PACRG: variants seen among roughly 807,000 people sequenced by gnomAD.
PACRG encodes the protein parkin coregulated gene protein.
Under a neutral mutation model 29.7 loss-of-function variants are expected in PACRG, and 29 were observed. The ratio of observed to expected loss-of-function variants is 0.98; its 90% confidence interval spans 0.73 to 1.33. The LOEUF is 1.33. Among genes scored for constraint, PACRG ranks in the 40% most tolerant of loss-of-function variants. The pLI, the probability that PACRG is intolerant of heterozygous loss-of-function variation, is 0.00. For missense variants in PACRG, 279 were observed against 316.2 expected, an observed-to-expected ratio of 0.88 and a Z score of 0.89; for synonymous variants, 116 against 118.7, an observed-to-expected ratio of 0.98 and a Z score of 0.15.
intron 4 of PACRG, among the ~76,000 whole-genome samples, chr6:163,147,916 C>A (rs1470486442): frequency 6.6e-6 from 1 of 152,160 alleles, no homozygotes; most frequent in Non-Finnish European, 1.5e-5. Flanking sequence ...TCATTCACTG[C>A]CTGTTTCTTC....
intron 4 of PACRG, among the ~76,000 whole-genome samples, chr6:163,283,605 C>T (rs1784290653): frequency 6.8e-6 from 1 of 147,958 alleles, no homozygotes. Flanking sequence ...TCGAGACCAT[C>T]CTGGCTAACA....
At chr6:162,932,173 C>A (rs920629069) in intron 2 of PACRG, among the ~76,000 whole-genome samples, 1 of 151,856 alleles carries the variant, frequency 6.6e-6, no homozygotes, top group African/African-American at 2.4e-5. Context: ...GGAGTACGTA[C>A]TTTATGTTTC....
Position 163,037,355 on chromosome 6 carries a change from C to T in PACRG, c.292-24795C>T, listed in dbSNP as rs545092048. Among the ~76,000 whole-genome samples, 16 of 152,314 alleles carry T rather than the reference C, an allele frequency of 1.1e-4. No individual in the cohort carries two copies. In the South Asian group the frequency reaches 1.7e-3, roughly 16 times the overall value. ...CTCTCTTCTCACTCCTACAAATGTTCGGCTGAGCTCCAAGGTCCTCTTCAC... is the reference window on the plus strand; with the variant it reads ...CTCTCTTCTCACTCCTACAAATGTTTGGCTGAGCTCCAAGGTCCTCTTCAC... On this transcript the variant is annotated intron_variant, in intron 2 of 4. Coordinates refer to ENST00000366888, the MANE Select transcript of PACRG (RefSeq NM_001080379.2).
At position 162,739,987 on chromosome 6, in the gene PACRG, G is replaced by A. The variant is rs540470725; in HGVS notation, c.156+11596G>A. 3.3e-5 allele frequency among the ~76,000 whole-genome samples: 5 copies of A among 152,026 alleles called. No homozygotes were observed. The East Asian group carries it at 5.8e-4, about 18-fold the overall frequency. On this transcript the variant is annotated intron_variant, in intron 1 of 4. Transcript: ENST00000366888. ...TAACTGCAAATTTACTTTTAAGATG[G>A]GAGGTAAGGCTTTCTTTTGATCTTT...
intron 4 of PACRG, among the ~76,000 whole-genome samples, chr6:163,143,966 G>A (rs1324072806): frequency 1.3e-5 from 2 of 152,118 alleles, no homozygotes; most frequent in Non-Finnish European, 2.9e-5. Context: ...CAGGTGCGGT[G>A]GCTCACATCT....
chr6:163,253,599 G>A (rs1461129751), intron 4 of PACRG, among the ~76,000 whole-genome samples: 1 of 152,126 alleles, frequency 6.6e-6, no homozygotes, highest in African/African-American at 2.4e-5. Flanking sequence ...TGTTGTATAA[G>A]CTTACTCAGC....
chr6:163,135,039 C>G (rs1186722260), intron 4 of PACRG, among the ~76,000 whole-genome samples: 3 of 152,098 alleles, frequency 2.0e-5, no homozygotes, highest in Admixed American at 6.5e-5. Flanking sequence ...GTATATATAT[C>G]TGTAACTAGA....
At chr6:162,969,776 G>A (rs1801372616) in intron 2 of PACRG, among the ~76,000 whole-genome samples, 1 of 152,144 alleles carries the variant, frequency 6.6e-6, no homozygotes, top group African/African-American at 2.4e-5. Context: ...GACTCCTTTT[G>A]TAAAGTTGGC....
chr6:163,243,344 A>G (rs1201884379), intron 4 of PACRG, among the ~76,000 whole-genome samples: 1 of 152,240 alleles, frequency 6.6e-6, no homozygotes, highest in Non-Finnish European at 1.5e-5. Context: ...TTATGCCTTC[A>G]GTAGAAATGT....
intron 2 of PACRG, among the ~76,000 whole-genome samples, chr6:162,890,769 C>T (rs1370758835): frequency 6.6e-6 from 1 of 152,122 alleles, no homozygotes; most frequent in Non-Finnish European, 1.5e-5. Context: ...TGGGGTAGGA[C>T]CCCAGGGTGG....
chr6:162,909,932 T>A (rs1351691434), intron 2 of PACRG, among the ~76,000 whole-genome samples: 2 of 152,196 alleles, frequency 1.3e-5, no homozygotes, highest in Admixed American at 6.5e-5. Context: ...TCCTCTTTGC[T>A]CTCTGCAAAC....
chr6:162,819,588 C>T (rs1025632031), intron 2 of PACRG, among the ~76,000 whole-genome samples: 10 of 152,130 alleles, frequency 6.6e-5, no homozygotes, highest in Admixed American at 1.3e-4. Flanking sequence ...TCCTATAAGG[C>T]GAGATCTTTG....
At chr6:163,235,943 G>C (rs1324279963) in intron 4 of PACRG, among the ~76,000 whole-genome samples, 3 of 131,892 alleles carry the variant, frequency 2.3e-5, no homozygotes, top group African/African-American at 9.0e-5. Context: ...TGTTTTTTTT[G>C]TTTGTTTTTG....
chr6:162,863,605 G>T (rs1792049304), intron 2 of PACRG, among the ~76,000 whole-genome samples: 1 of 152,220 alleles, frequency 6.6e-6, no homozygotes, highest in Admixed American at 6.5e-5. Flanking sequence ...AACCACATTT[G>T]TGCAATAAGC....
chr6:162,783,935 A>G (rs1421400145), intron 1 of PACRG, among the ~76,000 whole-genome samples: 1 of 152,138 alleles, frequency 6.6e-6, no homozygotes, highest in East Asian at 1.9e-4. Context: ...GAACATAAGG[A>G]TACTATCTTT....
chr6:163,056,718 A>C (rs1179846531), intron 2 of PACRG, among the ~76,000 whole-genome samples: 1 of 152,130 alleles, frequency 6.6e-6, no homozygotes, highest in Non-Finnish European at 1.5e-5. Flanking sequence ...GAATAGATAA[A>C]CTGAAAATCT....
At chr6:163,202,049 T>C (rs1780721575) in intron 4 of PACRG, among the ~76,000 whole-genome samples, 1 of 152,114 alleles carries the variant, frequency 6.6e-6, no homozygotes, top group Non-Finnish European at 1.5e-5. Flanking sequence ...GAGGAAGCAG[T>C]GCGAGCAAAC....
At position 163,137,791 on chromosome 6, in the gene PACRG, C is replaced by T. The variant is rs1054692957; in HGVS notation, c.613+48383C>T. ...GAGAAACTGCTCCGGGATACTCCGT[C>T]GGGGAATGGCAGGAGCTGGCCCCAC... On this transcript the variant is annotated intron_variant, in intron 4 of 4. Coordinates refer to ENST00000366888, the MANE Select transcript of PACRG (RefSeq NM_001080379.2). 3.3e-5 allele frequency among the ~76,000 whole-genome samples: 5 copies of T among 152,250 alleles called. No individual in the cohort carries two copies. The South Asian group carries it at 6.2e-4, about 19-fold the overall frequency.
intron 4 of PACRG, among the ~76,000 whole-genome samples, chr6:163,102,083 GTGTACA>G (rs1815125169): frequency 6.6e-6 from 1 of 152,136 alleles, no homozygotes; most frequent in Non-Finnish European, 1.5e-5. Context: ...CTGAATCAAT[GTGTACA>G]GCCACGGAAG....
Sources: gnomAD v4.1 joint callset for allele counts (sites outside exome capture counted in the v4.1 genomes callset) on GRCh38, gnomAD v4.1.1 for gene constraint, MANE v1.5 for transcripts, NCBI Gene and HGNC (gene_info 2026-07-23, HGNC 2026-07-21) for gene names.